UVRAG: variants seen among roughly 807,000 people sequenced by gnomAD.
UVRAG encodes UV radiation resistance associated.
UVRAG carries 19 observed loss-of-function variants against 78.0 expected under a neutral mutation model. The observed-to-expected ratio is 0.24, with a 90% CI of 0.17 to 0.36. UVRAG has a LOEUF of 0.36. Among genes scored for constraint, UVRAG ranks in the 10% least tolerant of loss-of-function variants. UVRAG has a pLI of 1.00. For synonymous variants in UVRAG, 323 were observed against 324.6 expected, an observed-to-expected ratio of 1.00 and a Z score of 0.05; for missense variants, 740 against 853.8, an observed-to-expected ratio of 0.87 and a Z score of 1.66.
chr11:75,860,358 G>A (rs924735895), intron 2 of UVRAG, among the ~76,000 whole-genome samples: 2 of 152,124 alleles, frequency 1.3e-5, no homozygotes, highest in Admixed American at 1.3e-4. Flanking sequence ...TAAGGAATTC[G>A]CTTTCTCAAA....
intron 7 of UVRAG, among the ~76,000 whole-genome samples, chr11:75,982,070 G>T (rs1361593641): frequency 6.6e-6 from 1 of 151,480 alleles, no homozygotes; most frequent in Non-Finnish European, 1.5e-5. Context: ...ATTTTGTTTG[G>T]CATTTTCCTG....
intron 5 of UVRAG, among the ~76,000 whole-genome samples, chr11:75,889,108 A>G (rs1947158344): frequency 6.6e-6 from 1 of 152,150 alleles, no homozygotes; most frequent in Non-Finnish European, 1.5e-5. Flanking sequence ...TTCTAAATCC[A>G]GATTATATTA....
chr11:75,894,943 G>T (rs1947309240), intron 5 of UVRAG, among the ~76,000 whole-genome samples: 1 of 152,068 alleles, frequency 6.6e-6, no homozygotes, highest in African/African-American at 2.4e-5. Context: ...GAAACATGTA[G>T]TGTGGGGGTA....
chr11:75,972,337 T>C (rs1384974417), intron 7 of UVRAG, among the ~76,000 whole-genome samples: 1 of 152,172 alleles, frequency 6.6e-6, no homozygotes, highest in Non-Finnish European at 1.5e-5. Context: ...CTTCTAGAAG[T>C]ATAATTTTTA....
In UVRAG at chr11:75,822,655, C is replaced by G. The variant is rs140633040; in HGVS notation, c.117+7131C>G. On this transcript the variant is annotated intron_variant, in intron 1 of 14. Transcript: ENST00000356136. ...GGAACTCAAGAAAGCACCTTGCTTG[C>G]ACTTACTGTTTTTTTTTTTTTTTTA... Among the ~76,000 whole-genome samples the G allele has an allele frequency of 2.6e-3, 384 of 150,140 alleles. 5 individuals are homozygous for G. Among genetic ancestry groups the G allele is most frequent in the African/African-American group, 9.2e-3 (368 of 40,168 alleles).
At chr11:76,006,091 A>T (rs1228633586) in intron 9 of UVRAG, among the ~76,000 whole-genome samples, 1 of 152,136 alleles carries the variant, frequency 6.6e-6, no homozygotes, top group Non-Finnish European at 1.5e-5. Context: ...GCTGTCTAGG[A>T]GCCCCTGCCT....
chr11:76,139,677 A>G (rs1952669680), intron 14 of UVRAG, among the ~76,000 whole-genome samples: 1 of 152,228 alleles, frequency 6.6e-6, no homozygotes, highest in Non-Finnish European at 1.5e-5. Flanking sequence ...TAGAGCTAGC[A>G]TAGTGTATAA....
At chr11:76,136,843 T>C (rs1952606143) in intron 14 of UVRAG, among the ~76,000 whole-genome samples, 1 of 152,110 alleles carries the variant, frequency 6.6e-6, no homozygotes, top group Non-Finnish European at 1.5e-5. Context: ...AAAATCAAAG[T>C]CTGAAAGGAA....
chr11:75,820,505 C>G (rs574041950), intron 1 of UVRAG, among the ~76,000 whole-genome samples: 1 of 152,226 alleles, frequency 6.6e-6, no homozygotes, highest in East Asian at 1.9e-4. Context: ...CAGGCATGCA[C>G]CACTGTTCCT....
chr11:75,884,474 C>T (rs1947034047), intron 4 of UVRAG, among the ~76,000 whole-genome samples: 1 of 151,858 alleles, frequency 6.6e-6, no homozygotes. Context: ...TGTGTCTTAT[C>T]TTTGCCTAAC....
chr11:75,968,259 AT>A (rs1297424830), intron 7 of UVRAG, among the ~76,000 whole-genome samples: 2 of 152,184 alleles, frequency 1.3e-5, no homozygotes, highest in Non-Finnish European at 2.9e-5. Flanking sequence ...TGTATCTGTG[AT>A]TTTCAGTTCA....
At chr11:75,956,736 C>G (rs59330958) in intron 6 of UVRAG, among the ~76,000 whole-genome samples, 4,367 of 152,260 alleles carry the variant, frequency 0.029, 218 homozygotes, top group African/African-American at 0.1. Context: ...GTTCCACATC[C>G]TTGCCAGCAT....
intron 2 of UVRAG, among the ~76,000 whole-genome samples, chr11:75,853,969 C>T (rs1267377777): frequency 6.6e-6 from 1 of 151,638 alleles, no homozygotes; most frequent in Non-Finnish European, 1.5e-5. Context: ...GACAGGGTTT[C>T]GTCATGTTGG....
At chr11:75,821,471 A>G (rs1372958947) in intron 1 of UVRAG, among the ~76,000 whole-genome samples, 1 of 152,112 alleles carries the variant, frequency 6.6e-6, no homozygotes, top group Admixed American at 6.6e-5. Flanking sequence ...CACCCCCGCA[A>G]GTAGCTGAGA....
At chr11:75,960,307 G>C (rs147998588) in intron 6 of UVRAG, among the ~76,000 whole-genome samples, 78 of 150,022 alleles carry the variant, frequency 5.2e-4, no homozygotes, top group Non-Finnish European at 8.6e-4. Context: ...TGATTTTTTT[G>C]TGTATATTGA....
chr11:75,947,538 A>G (rs926125245), intron 6 of UVRAG, among the ~76,000 whole-genome samples: 12 of 152,218 alleles, frequency 7.9e-5, no homozygotes, highest in African/African-American at 2.9e-4. Context: ...GGGGAGGAAT[A>G]CTGAGCTTGG....
intron 8 of UVRAG, among the ~76,000 whole-genome samples, chr11:75,985,469 A>G (rs1296413547): frequency 2.0e-5 from 3 of 151,924 alleles, no homozygotes; most frequent in Non-Finnish European, 4.4e-5. Context: ...TTTTTGGCAT[A>G]TGCTTAAAAA....
chr11:76,098,991 C>A lies in UVRAG; in HGVS notation c.1306-16933C>A, dbSNP rs571948684. 4.3e-4 allele frequency among the ~76,000 whole-genome samples: 66 copies of A among 152,272 alleles called. 1 individual carries two copies. The East Asian group carries it at 0.012, about 28-fold the overall frequency. On this transcript the variant is annotated intron_variant, in intron 13 of 14. Coordinates refer to ENST00000356136, the MANE Select transcript of UVRAG (RefSeq NM_003369.4). The stretch of plus-strand genomic sequence containing the variant: ...TCATACATGCTTACCTGCCTCTGAA[C>A]TTTGCTTAGAGTCTTTCTAAGTCTC...
chr11:76,051,927 A>G (rs1337061119), intron 12 of UVRAG, among the ~76,000 whole-genome samples: 2 of 152,010 alleles, frequency 1.3e-5, no homozygotes, highest in African/African-American at 4.8e-5. Context: ...AGAGGGCCCT[A>G]CCTAATCTGT....
Sources: allele counts gnomAD v4.1 joint callset (sites outside exome capture counted in the v4.1 genomes callset), GRCh38; gene constraint gnomAD v4.1.1; transcripts MANE v1.5; gene names NCBI Gene and HGNC (gene_info 2026-07-23, HGNC 2026-07-21).